Variants in PPP4R2 observed in about 807,000 individuals in gnomAD.
The protein encoded by PPP4R2 is protein phosphatase 4 regulatory subunit 2.
Under a neutral mutation model 47.2 loss-of-function variants are expected in PPP4R2, and 13 were observed. The observed-to-expected ratio is 0.28, with a 90% CI of 0.18 to 0.44. The LOEUF (loss-of-function observed/expected upper bound fraction) is 0.44. PPP4R2 is among the 20% of genes least tolerant of loss of function. The pLI, the probability that PPP4R2 is intolerant of heterozygous loss-of-function variation, is 1.00. For missense variants in PPP4R2, 421 were observed against 491.2 expected (o/e 0.86, Z 1.35); for synonymous variants, 151 against 163.3 (o/e 0.92, Z 0.57).
intron 3 of PPP4R2, among the ~76,000 whole-genome samples, chr3:73,055,417 CGTGTGTGTGTGTGTGTGTGTGT>C (rs10663655): frequency 2.2e-5 from 3 of 137,344 alleles, no homozygotes; most frequent in Non-Finnish European, 3.1e-5. Context: ...AGTGGGGTAG[CGTGTGTGTGTGTGTGTGTGTGT>C]GTGTGTGTGT....
In PPP4R2 at chr3:73,065,681, G is replaced by A. The variant is rs573996447; in HGVS notation, c.1213G>A (p.Glu405Lys). Residue 405 changes from glutamate to lysine, a missense_variant, in exon 9 of 9, where the codon GAA becomes AAA. By Grantham distance (56) the Glu-to-Lys change is moderately conservative (BLOSUM62 1). This residue lies in a region of PPP4R2 where 317 missense variants were observed against 287.5 expected (regional missense o/e 1.10). Transcript: ENST00000356692. ...AGAATCATCCATGGAAAATGATGAC[G>A]AAGCCACAGAAGTCACCGATGAACC... ...LSESSMENDDEATEVTDEPME... is the reference protein window; with the variant it reads ...LSESSMENDDKATEVTDEPME... 5 of 1,608,500 alleles carry A rather than the reference G, an allele frequency of 3.1e-6. No homozygotes were observed. The highest frequency in any genetic ancestry group is 4.5e-5 in the East Asian group (2 of 44,702).
intron 2 of PPP4R2, among the ~76,000 whole-genome samples, chr3:73,004,923 T>TTGTGTG (rs142119782): frequency 0.51 from 71,813 of 139,790 alleles, 18,484 homozygotes; most frequent in South Asian, 0.6. Context: ...GTGTGTGTGT[T>TTGTGTG]TGTGTGTTTT....
intron 2 of PPP4R2, among the ~76,000 whole-genome samples, chr3:73,032,108 T>G (rs1247111198): frequency 1.3e-5 from 2 of 152,200 alleles, no homozygotes; most frequent in Non-Finnish European, 2.9e-5. Flanking sequence ...TTTTTTATTA[T>G]TTAGTTTTTA....
At chr3:73,060,902 A>T in intron 4 of PPP4R2, 121 bp from the exon 5 acceptor site, 1 of 575,380 alleles carries the variant, frequency 1.7e-6, no homozygotes, top group Non-Finnish European at 2.9e-6. Context: ...ATTTTCCTTT[A>T]CTAGCAAAAT....
intron 2 of PPP4R2, among the ~76,000 whole-genome samples, chr3:72,999,080 A>C (rs1308164582): frequency 3.3e-5 from 5 of 152,216 alleles, no homozygotes; most frequent in Non-Finnish European, 7.3e-5. Flanking sequence ...CAACTAGCCT[A>C]ATTTTAGAAA....
At chr3:73,064,355 T>C (rs957999570) in intron 7 of PPP4R2, among the ~76,000 whole-genome samples, 1 of 152,194 alleles carries the variant, frequency 6.6e-6, no homozygotes, top group Non-Finnish European at 1.5e-5. Context: ...GTGGAGACTG[T>C]TTATGTAGGG....
intron 2 of PPP4R2, among the ~76,000 whole-genome samples, chr3:73,021,928 G>A (rs1701969814): frequency 1.6e-5 from 2 of 128,256 alleles, no homozygotes; most frequent in African/African-American, 5.8e-5. Flanking sequence ...AAACAATCTC[G>A]CTCTGTTGTT....
chr3:73,065,153 C>A lies in PPP4R2; in HGVS notation c.928+12C>A, dbSNP rs755314977. On this transcript the variant is annotated intron_variant, in intron 8 of 8. Coordinates refer to ENST00000356692, the MANE Select transcript of PPP4R2 (RefSeq NM_174907.4). The stretch of plus-strand genomic sequence containing the variant: ...AGAGGAAGAAGAAGGTATTTAGAGA[C>A]CATCTGTAAAAGGGTGGAGTAAGGA... 1.9e-6 allele frequency: 3 copies of A among 1,586,830 alleles called. No individual in the cohort carries two copies. Among genetic ancestry groups the A allele is most frequent in the Admixed American group, 1.8e-5 (1 of 54,172 alleles).
chr3:73,004,943 T>C lies in PPP4R2; in HGVS notation c.116+6785T>C, dbSNP rs538896387. Among the ~76,000 whole-genome samples, 15 of 80,716 alleles carry C rather than the reference T, an allele frequency of 1.9e-4. No homozygotes were observed. The East Asian group carries it at 5.5e-3, about 30-fold the overall frequency. 53.0% of individuals were successfully genotyped at this position (80,716 alleles called of 152,430 possible). ...TGTGTTTGTGTGTTTTGAGTCGGAG[T>C]CGTGTGTGTGTGTGTGTGTGTGTGT... On this transcript the variant is annotated intron_variant, in intron 2 of 8. Transcript: ENST00000356692.
chr3:73,005,789 G>A (rs1193277016), intron 2 of PPP4R2, among the ~76,000 whole-genome samples: 3 of 139,212 alleles, frequency 2.2e-5, no homozygotes, highest in Non-Finnish European at 4.5e-5. Context: ...CCGAGCTCAC[G>A]TCGTTGCACT....
intron 1 of PPP4R2, among the ~76,000 whole-genome samples, chr3:72,997,862 G>C (rs982781792): frequency 6.6e-6 from 1 of 152,176 alleles, no homozygotes; most frequent in Non-Finnish European, 1.5e-5. Flanking sequence ...TTGTGAAGTT[G>C]AGTGCCCCCT....
chr3:73,019,785 C>A (rs768175883), intron 2 of PPP4R2, among the ~76,000 whole-genome samples: 11 of 152,244 alleles, frequency 7.2e-5, no homozygotes, highest in South Asian at 2.1e-4. Flanking sequence ...CTTGCTCTCT[C>A]TCTTCTCTCC....
At chr3:73,026,062 AG>A (rs1702057290) in intron 2 of PPP4R2, among the ~76,000 whole-genome samples, 2 of 152,148 alleles carry the variant, frequency 1.3e-5, no homozygotes. Flanking sequence ...ATATGCTATT[AG>A]TAGTAGTCAT....
chr3:73,062,573 T>G (rs2231925), intron 5 of PPP4R2: 16,636 of 1,614,026 alleles, frequency 0.01, 108 homozygotes, highest in Non-Finnish European at 0.012. Context: ...GTACTCCTTA[T>G]GCTAGCAGAT....
chr3:73,037,174 C>A (rs146272993), intron 2 of PPP4R2, among the ~76,000 whole-genome samples: 94 of 152,184 alleles, frequency 6.2e-4, no homozygotes, highest in Non-Finnish European at 1.2e-3. Flanking sequence ...GAAAAAAATT[C>A]TAGATTAGAT....
In PPP4R2 at chr3:73,020,869, A is replaced by G. The variant is rs114483439; in HGVS notation, c.116+22711A>G. ...TGTGTCCTCACATGGTGGAGAGAGT[A>G]TAAGTTCTCAGGTGTCTTCTTATAA... On this transcript the variant is annotated intron_variant, in intron 2 of 8. Transcript: ENST00000356692. Among the ~76,000 whole-genome samples, 1,013 of 151,908 alleles carry G rather than the reference A, an allele frequency of 6.7e-3. 22 individuals are homozygous for G. Among genetic ancestry groups the G allele is most frequent in the African/African-American group, 0.023 (956 of 41,378 alleles).
At chr3:73,025,591 A>G (rs1388273) in intron 2 of PPP4R2, among the ~76,000 whole-genome samples, 80,476 of 151,908 alleles carry the variant, frequency 0.53, 21,703 homozygotes, top group African/African-American at 0.62. Flanking sequence ...TTTATTTCTG[A>G]CAAGGAATAT....
chr3:73,032,121 T>A (rs1702176783), intron 2 of PPP4R2, among the ~76,000 whole-genome samples: 1 of 152,176 alleles, frequency 6.6e-6, no homozygotes, highest in Non-Finnish European at 1.5e-5. Flanking sequence ...AGTTTTTACT[T>A]TTATTAAAGT....
At chr3:72,999,301 TTGATTTAGAACA>T (rs1398943336) in intron 2 of PPP4R2, among the ~76,000 whole-genome samples, 4 of 152,204 alleles carry the variant, frequency 2.6e-5, no homozygotes, top group Non-Finnish European at 4.4e-5. Flanking sequence ...ATAGAACATC[TTGATTTAGAACA>T]ATGTAAAACT....
Sources: allele counts gnomAD v4.1 joint callset (sites outside exome capture counted in the v4.1 genomes callset), GRCh38; gene constraint gnomAD v4.1.1; regional missense constraint gnomAD v4.1.1; transcripts MANE v1.5; gene names NCBI Gene and HGNC (gene_info 2026-07-23, HGNC 2026-07-21).